The following ZDHHC14 variants were observed in gnomAD, a reference collection of about 807,000 sequenced individuals.
ZDHHC14 encodes zDHHC palmitoyltransferase 14.
Under a neutral mutation model 47.7 loss-of-function variants are expected in ZDHHC14, and 16 were observed. The observed-to-expected ratio is 0.34, with a 90% CI of 0.23 to 0.51. The LOEUF (loss-of-function observed/expected upper bound fraction) is 0.51, where lower values mean the gene tolerates loss of function less well. ZDHHC14 is among the 20% of genes least tolerant of loss of function. ZDHHC14 has a pLI of 0.97. For missense variants in ZDHHC14, 515 were observed against 662.5 expected (o/e 0.78, Z 2.44); for synonymous variants, 293 against 278.9 (o/e 1.05, Z -0.50).
At chr6:157,575,761 G>A (rs1165921834) in intron 2 of ZDHHC14, among the ~76,000 whole-genome samples, 1 of 152,234 alleles carries the variant, frequency 6.6e-6, no homozygotes, top group Non-Finnish European at 1.5e-5. Context: ...GCATTTTGTT[G>A]TGTGATTATT....
intron 1 of ZDHHC14, among the ~76,000 whole-genome samples, chr6:157,489,996 G>A (rs994311020): frequency 4.6e-5 from 7 of 152,190 alleles, no homozygotes; most frequent in East Asian, 1.9e-4. Flanking sequence ...GGGGAAATGA[G>A]GGATGTGGAC....
At chr6:157,482,745 AT>A (rs201329274) in intron 1 of ZDHHC14, among the ~76,000 whole-genome samples, 19,860 of 135,332 alleles carry the variant, frequency 0.15, 1,413 homozygotes, top group Middle Eastern at 0.23. Flanking sequence ...TGTCAAAATC[AT>A]TTTTTTTTTT....
chr6:157,387,187 C>G (rs904166977), intron 1 of ZDHHC14, among the ~76,000 whole-genome samples: 2 of 151,000 alleles, frequency 1.3e-5, no homozygotes, highest in Non-Finnish European at 3.0e-5. Context: ...TCTTTTCCTC[C>G]CTCCTTCCTT....
intron 3 of ZDHHC14, among the ~76,000 whole-genome samples, chr6:157,609,213 G>A (rs980121391): frequency 6.6e-6 from 1 of 152,128 alleles, no homozygotes; most frequent in Non-Finnish European, 1.5e-5. Context: ...TCGAAACAGT[G>A]GGATCAGCTC....
At chr6:157,636,673 G>T (rs377367779) in intron 5 of ZDHHC14, among the ~76,000 whole-genome samples, 3 of 152,342 alleles carry the variant, frequency 2.0e-5, no homozygotes, top group South Asian at 2.1e-4. Flanking sequence ...CTGGAGAAAA[G>T]TGGGGTCTAA....
intron 1 of ZDHHC14, among the ~76,000 whole-genome samples, chr6:157,468,107 A>T (rs1411705220): frequency 3.3e-5 from 5 of 152,200 alleles, no homozygotes; most frequent in African/African-American, 9.7e-5. Context: ...CTATAACCTA[A>T]CAACTCCTGA....
At chr6:157,657,902 G>A (rs533520906) in intron 8 of ZDHHC14, among the ~76,000 whole-genome samples, 1 of 152,300 alleles carries the variant, frequency 6.6e-6, no homozygotes, top group East Asian at 1.9e-4. Flanking sequence ...GACTGCTACC[G>A]CTTACTAGAA....
At position 157,586,640 on chromosome 6, in the gene ZDHHC14, CAGA is replaced by C. The variant is rs1282636492; in HGVS notation, c.407-6347_407-6345del. ...CGGGCTCAAGACTTGCTGTGCTCAT[CAGA>C]CAGCCCAGCAGAGCCCTCCCAGGAC... On this transcript the variant is annotated intron_variant, in intron 2 of 8. Transcript: ENST00000359775. The surrounding 1 kb of genome is among the most constrained non-coding windows in gnomAD (Gnocchi z 4.6). 2.6e-5 allele frequency among the ~76,000 whole-genome samples: 4 copies of C among 152,166 alleles called. No individual in the cohort carries two copies. Among genetic ancestry groups the C allele is most frequent in the Admixed American group, 1.3e-4 (2 of 15,268 alleles).
chr6:157,647,135 A>T, intron 6 of ZDHHC14, 124 bp from the exon 7 acceptor site: 1 of 680,314 alleles, frequency 1.5e-6, no homozygotes, highest in Non-Finnish European at 2.5e-6. Context: ...TTTAAGAAAA[A>T]TACCTCCATT....
chr6:157,660,757 C>T (rs536853144), intron 8 of ZDHHC14, among the ~76,000 whole-genome samples: 25 of 152,310 alleles, frequency 1.6e-4, no homozygotes, highest in African/African-American at 4.1e-4. Context: ...TGAGAACCAT[C>T]GACACAGCCT....
chr6:157,463,747 C>T lies in ZDHHC14; in HGVS notation c.246-78838C>T, dbSNP rs528551318. On this transcript the variant is annotated intron_variant, in intron 1 of 8. Transcript: ENST00000359775. The surrounding 1 kb of genome is among the most constrained non-coding windows in gnomAD (Gnocchi z 4.4). Reference sequence around the variant, plus strand: ...GTCAGATCTGAAAATTAACACCAGCCGGCACAGTGGTTCACATCTGTAATC... The same window carrying T: ...GTCAGATCTGAAAATTAACACCAGCTGGCACAGTGGTTCACATCTGTAATC... Among the ~76,000 whole-genome samples, 2 of 152,164 alleles carry T rather than the reference C, an allele frequency of 1.3e-5. No homozygotes were observed. The highest frequency in any genetic ancestry group is 2.9e-5 in the Non-Finnish European group (2 of 68,040).
intron 1 of ZDHHC14, among the ~76,000 whole-genome samples, chr6:157,386,956 A>G (rs960891972): frequency 6.6e-6 from 1 of 152,186 alleles, no homozygotes; most frequent in African/African-American, 2.4e-5. Flanking sequence ...GAAGGAAACA[A>G]ACTGAGAGGC....
chr6:157,445,571 C>G (rs1241809574), intron 1 of ZDHHC14, among the ~76,000 whole-genome samples: 1 of 152,168 alleles, frequency 6.6e-6, no homozygotes, highest in African/African-American at 2.4e-5. Flanking sequence ...CCCCCTCTGC[C>G]CCCTTGGGTT....
chr6:157,522,983 T>TCCTTCCTTCCTTCC (rs1562461110), intron 1 of ZDHHC14, among the ~76,000 whole-genome samples: 22 of 34,996 alleles, frequency 6.3e-4, no homozygotes, highest in African/African-American at 4.2e-3. Flanking sequence ...TTCTTTTCTT[T>TCCTTCCTTCCTTCC]TTCTTTTCTT....
chr6:157,388,576 A>T (rs1777363330), intron 1 of ZDHHC14, among the ~76,000 whole-genome samples: 1 of 152,198 alleles, frequency 6.6e-6, no homozygotes, highest in African/African-American at 2.4e-5. Context: ...AGGAATTTGG[A>T]TCTAATAAAA....
At chr6:157,433,281 C>A (rs1247646685) in intron 1 of ZDHHC14, among the ~76,000 whole-genome samples, 3 of 152,190 alleles carry the variant, frequency 2.0e-5, no homozygotes, top group East Asian at 3.8e-4. Context: ...GATGTGGACA[C>A]ATGATTGCAA....
chr6:157,502,675 T>TTTTTG lies in ZDHHC14; in HGVS notation c.246-39891_246-39887dup, dbSNP rs746307047. On this transcript the variant is annotated intron_variant, in intron 1 of 8. Coordinates refer to ENST00000359775, the MANE Select transcript of ZDHHC14 (RefSeq NM_024630.3). The surrounding 1 kb of genome is among the most constrained non-coding windows in gnomAD (Gnocchi z 4.0). ...TGGCTCATAGTTTTTGTTGTGTTTG[T>TTTTTG]TTTTGTTTTGTTTTGTTTTGTTTGT... 2.5e-4 allele frequency among the ~76,000 whole-genome samples: 38 copies of TTTTTG among 152,174 alleles called. No homozygotes were observed. The highest frequency in any genetic ancestry group is 2.1e-4 in the Non-Finnish European group (14 of 68,000).
chr6:157,456,168 C>T (rs1441695794), intron 1 of ZDHHC14, among the ~76,000 whole-genome samples: 1 of 152,180 alleles, frequency 6.6e-6, no homozygotes, highest in East Asian at 1.9e-4. Flanking sequence ...CTCTGCCTCC[C>T]CGAGGAGGCT....
chr6:157,563,035 G>C (rs1782768557), intron 2 of ZDHHC14, among the ~76,000 whole-genome samples: 1 of 152,160 alleles, frequency 6.6e-6, no homozygotes, highest in African/African-American at 2.4e-5. Flanking sequence ...GTGGATGTAG[G>C]GTTCATGGTC....
Sources: gnomAD v4.1 joint callset for allele counts (sites outside exome capture counted in the v4.1 genomes callset) on GRCh38, gnomAD v4.1.1 for gene constraint, Gnocchi (gnomAD v3.1) non-coding constraint, MANE v1.5 for transcripts, NCBI Gene and HGNC (gene_info 2026-07-23, HGNC 2026-07-21) for gene names.